MDGA2: variants seen among roughly 807,000 people sequenced by gnomAD.
The protein encoded by MDGA2 is MAM domain-containing glycosylphosphatidylinositol anchor protein 2.
In MDGA2, 40 loss-of-function variants were observed where a neutral mutation model predicts 117.8. The ratio of observed to expected loss-of-function variants is 0.34; its 90% CI spans 0.26 to 0.44. MDGA2 has a LOEUF of 0.44. Among genes scored for constraint, MDGA2 ranks in the 20% least tolerant of loss-of-function variants. The pLI, the probability that MDGA2 is intolerant of heterozygous loss-of-function variation, is 1.00. For synonymous variants in MDGA2, 452 were observed against 439.0 expected (o/e 1.03, Z -0.37); for missense variants, 1,123 against 1,250.6 (o/e 0.90, Z 1.54).
At chr14:47,251,690 T>C (rs1227905886) in intron 2 of MDGA2, among the ~76,000 whole-genome samples, 2 of 152,110 alleles carry the variant, frequency 1.3e-5, no homozygotes, top group Admixed American at 6.5e-5. Context: ...TTCCCATAAA[T>C]CATTCACACT....
Position 46,957,421 on chromosome 14 carries a change from C to G in MDGA2, c.2042G>C (p.Ser681Thr). The change falls in exon 9 of 17, where the codon AGC becomes ACC. Residue 681 changes from serine to threonine, a missense_variant. Ser to Thr is a moderately conservative substitution (Grantham distance 58, BLOSUM62 1). This residue lies in a region of MDGA2 where 890 missense variants were observed against 1,050.3 expected (regional missense o/e 0.85). Transcript: ENST00000399232. ...CCCAGCTCCAGCTTCATTTATGATG[C>G]TACAGTTATAAACCCCATAGTTTTC... ...SNENYGVYNC[S>T]IINEAGAGRC... The G allele has an allele frequency of 6.2e-7, 1 of 1,614,134 alleles. No individual in the cohort carries two copies. Among genetic ancestry groups the G allele is most frequent in the Non-Finnish European group, 8.5e-7 (1 of 1,179,996 alleles).
intron 8 of MDGA2, among the ~76,000 whole-genome samples, chr14:47,019,606 G>A (rs531686871): frequency 3.3e-5 from 5 of 152,216 alleles, no homozygotes; most frequent in African/African-American, 9.6e-5. Context: ...CACTTTGGAA[G>A]GCCGAGGCGG....
intron 1 of MDGA2, among the ~76,000 whole-genome samples, chr14:47,353,893 C>T (rs1367802253): frequency 6.6e-6 from 1 of 152,028 alleles, no homozygotes; most frequent in African/African-American, 2.4e-5. Context: ...AATAAAGGTA[C>T]AAAAATCCTC....
chr14:47,367,232 G>C (rs1891250283), intron 1 of MDGA2, among the ~76,000 whole-genome samples: 1 of 152,116 alleles, frequency 6.6e-6, no homozygotes, highest in African/African-American at 2.4e-5. Context: ...CTTTGTCTTT[G>C]CAAGAGCAAT....
chr14:47,226,992 A>G (rs1228047634), intron 2 of MDGA2, among the ~76,000 whole-genome samples: 2 of 152,058 alleles, frequency 1.3e-5, no homozygotes, highest in African/African-American at 4.8e-5. Context: ...TTTTTTAGAA[A>G]GCTTTCCCTC....
intron 3 of MDGA2, among the ~76,000 whole-genome samples, chr14:47,194,266 TGA>T (rs1191318621): frequency 2.0e-5 from 3 of 152,134 alleles, no homozygotes; most frequent in African/African-American, 7.2e-5. Flanking sequence ...CAGAAGAATG[TGA>T]GTCATTCATT....
intron 1 of MDGA2, among the ~76,000 whole-genome samples, chr14:47,569,397 C>A (rs1376016979): frequency 6.6e-6 from 1 of 152,186 alleles, no homozygotes; most frequent in African/African-American, 2.4e-5. Flanking sequence ...AACATGGCAA[C>A]TGCAGTTAAT....
intron 8 of MDGA2, among the ~76,000 whole-genome samples, chr14:47,010,327 A>G (rs1038416089): frequency 8.2e-6 from 1 of 121,974 alleles, no homozygotes; most frequent in Middle Eastern, 4.1e-3. Context: ...TAATCAGATA[A>G]GGATTTAAGA....
chr14:47,180,590 G>C (rs963619593), intron 3 of MDGA2, among the ~76,000 whole-genome samples: 1 of 152,076 alleles, frequency 6.6e-6, no homozygotes, highest in African/African-American at 2.4e-5. Context: ...CAACATCACT[G>C]ATCACTAGAG....
At chr14:47,241,596 C>G (rs1401792362) in intron 2 of MDGA2, among the ~76,000 whole-genome samples, 1 of 151,764 alleles carries the variant, frequency 6.6e-6, no homozygotes. Context: ...AAGTTTAAGT[C>G]GCCAGTGAAT....
At chr14:47,391,687 AG>A (rs1301746335) in intron 1 of MDGA2, among the ~76,000 whole-genome samples, 1 of 152,162 alleles carries the variant, frequency 6.6e-6, no homozygotes, top group African/African-American at 2.4e-5. Flanking sequence ...CATCTCTAAA[AG>A]TCATTCTCAC....
At chr14:47,448,320 G>T (rs1425136609) in intron 1 of MDGA2, among the ~76,000 whole-genome samples, 2 of 151,840 alleles carry the variant, frequency 1.3e-5, no homozygotes, top group African/African-American at 4.8e-5. Context: ...TGTATTTTTA[G>T]TAGAGACAGG....
chr14:47,608,572 G>A (rs1347062766), intron 1 of MDGA2, among the ~76,000 whole-genome samples: 1 of 152,132 alleles, frequency 6.6e-6, no homozygotes, highest in African/African-American at 2.4e-5. Context: ...ATATTAGTAG[G>A]AGATAGGCAC....
intron 1 of MDGA2, among the ~76,000 whole-genome samples, chr14:47,497,473 G>GTCTCGAAC (rs1894306290): frequency 6.6e-6 from 1 of 152,030 alleles, no homozygotes; most frequent in Non-Finnish European, 1.5e-5. Context: ...GGCCAGGCTG[G>GTCTCGAAC]TCTCGAACTC....
chr14:46,937,402 G>A (rs2138569680), intron 9 of MDGA2, among the ~76,000 whole-genome samples: 1 of 152,018 alleles, frequency 6.6e-6, no homozygotes, highest in South Asian at 2.1e-4. Flanking sequence ...TAGATTCAAT[G>A]CAATTGCTGT....
chr14:47,214,403 T>C (rs1037843688), intron 3 of MDGA2, among the ~76,000 whole-genome samples: 2 of 152,172 alleles, frequency 1.3e-5, no homozygotes, highest in Admixed American at 6.6e-5. Flanking sequence ...GGAATGCTTT[T>C]ACAATTCTTA....
chr14:47,649,425 T>C (rs1317184073), intron 1 of MDGA2, among the ~76,000 whole-genome samples: 1 of 152,232 alleles, frequency 6.6e-6, no homozygotes, highest in East Asian at 1.9e-4. Context: ...CCTGTCCTTT[T>C]GGTCATCCAA....
intron 14 of MDGA2, among the ~76,000 whole-genome samples, chr14:46,866,756 G>T (rs1348635431): frequency 6.6e-6 from 1 of 150,886 alleles, no homozygotes; most frequent in African/African-American, 2.4e-5. Flanking sequence ...CTTCTCAAAA[G>T]AAGACATTTA....
At chr14:46,961,646 A>AT (rs1269991261) in intron 8 of MDGA2, among the ~76,000 whole-genome samples, 23,267 of 145,036 alleles carry the variant, frequency 0.16, 2,344 homozygotes, top group Admixed American at 0.26. Flanking sequence ...CTGCCTGATA[A>AT]TTTTTTTTTT....
Sources: gnomAD v4.1 joint callset for allele counts (sites outside exome capture counted in the v4.1 genomes callset) on GRCh38, gnomAD v4.1.1 for gene constraint, gnomAD v4.1.1 regional missense constraint, MANE v1.5 for transcripts, NCBI Gene and HGNC (gene_info 2026-07-23, HGNC 2026-07-21) for gene names.